TAF3: variants seen among roughly 807,000 people sequenced by gnomAD.
TAF3 encodes the protein transcription initiation factor TFIID subunit 3.
A neutral mutation model predicts 80.6 loss-of-function variants in TAF3; 7 were observed. The ratio of observed to expected loss-of-function variants is 0.09; its 90% CI spans 0.05 to 0.16. The LOEUF (loss-of-function observed/expected upper bound fraction) is 0.16, where lower values mean the gene tolerates loss of function less well. Among genes scored for constraint, TAF3 ranks in the 10% least tolerant of loss-of-function variants. TAF3 has a pLI of 1.00. For synonymous variants in TAF3, 444 were observed against 446.1 expected, an observed-to-expected ratio of 1.00 and a Z score of 0.06; for missense variants, 921 against 1,140.2, an observed-to-expected ratio of 0.81 and a Z score of 2.77.
At position 8,009,105 on chromosome 10, in the gene TAF3, C is replaced by G. The variant is rs1350678860; in HGVS notation, c.2343C>G (p.Pro781=). The G allele has an allele frequency of 1.2e-6, 2 of 1,601,442 alleles. No homozygotes were observed. Among genetic ancestry groups the G allele is most frequent in the Non-Finnish European group, 1.7e-6 (2 of 1,174,686 alleles). The part of the protein sequence containing the change: ...KIVISKVVPA[P]EAKPAPSQNR... Reference sequence around the variant, plus strand: ...TCATCAGCAAGGTGGTCCCTGCCCCCGAGGCCAAGCCGGCGCCCTCGCAGA... The same window carrying G: ...TCATCAGCAAGGTGGTCCCTGCCCCGGAGGCCAAGCCGGCGCCCTCGCAGA... The change falls in exon 5 of 7, where the codon CCC becomes CCG. Residue 781 remains proline, a synonymous_variant. Coordinates refer to ENST00000344293, the MANE Select transcript of TAF3 (RefSeq NM_031923.4). This position sits in a 1 kb window ranked among gnomAD's most constrained non-coding sequence, Gnocchi z 4.1.
At chr10:7,926,926 G>C (rs1457339809) in intron 2 of TAF3, among the ~76,000 whole-genome samples, 1 of 152,106 alleles carries the variant, frequency 6.6e-6, no homozygotes, top group East Asian at 1.9e-4. Flanking sequence ...TTGGTTCAAC[G>C]TGTGTATATA....
chr10:7,933,955 G>A (rs780633447), intron 2 of TAF3, among the ~76,000 whole-genome samples: 17 of 152,126 alleles, frequency 1.1e-4, no homozygotes, highest in Non-Finnish European at 1.8e-4. Context: ...TGACATGGTC[G>A]TCACCGCCTG....
intron 2 of TAF3, among the ~76,000 whole-genome samples, chr10:7,897,658 C>CTTTCTT (rs1564359081): frequency 1.3e-5 from 2 of 150,710 alleles, no homozygotes; most frequent in Non-Finnish European, 3.0e-5. Flanking sequence ...CTCTCTCTCT[C>CTTTCTT]TCTTTCTTTC....
rs986508344 is a variant in TAF3 at position 7,964,570 on chromosome 10, A to G, written c.1060A>G (p.Lys354Glu). The change falls in exon 3 of 7, where the codon AAA becomes GAA. Residue 354 changes from lysine to glutamate, a missense_variant. This residue lies in a region of TAF3 where 743 missense variants were observed against 821.0 expected (regional missense o/e 0.90). Transcript: ENST00000344293. The surrounding 1 kb of genome is among the most constrained non-coding windows in gnomAD (Gnocchi z 4.1). Reference protein sequence around the residue: ...PSATLSEKISKETIQVKQIQT... With the variant: ...PSATLSEKISEETIQVKQIQT... ...AGCTACACTCAGTGAAAAAATCAGT[A>G]AAGAGACTATCCAGGTAAAACAAAT... 1.9e-6 allele frequency: 3 copies of G among 1,613,976 alleles called. No homozygotes were observed. Among genetic ancestry groups the G allele is most frequent in the African/African-American group, 1.3e-5 (1 of 74,928 alleles).
intron 2 of TAF3, among the ~76,000 whole-genome samples, chr10:7,863,750 CAT>C (rs926631595): frequency 5.2e-5 from 7 of 133,992 alleles, no homozygotes; most frequent in African/African-American, 1.1e-4. Context: ...TATATATACA[CAT>C]ATATATATAC....
intron 2 of TAF3, among the ~76,000 whole-genome samples, chr10:7,873,938 C>T (rs959478062): frequency 4.6e-5 from 7 of 152,204 alleles, no homozygotes; most frequent in Admixed American, 1.3e-4. Flanking sequence ...TCATGATTAC[C>T]GCTGTGTTTC....
chr10:7,950,268 T>G (rs1036456109), intron 2 of TAF3, among the ~76,000 whole-genome samples: 5 of 152,168 alleles, frequency 3.3e-5, no homozygotes, highest in Admixed American at 1.3e-4. Context: ...GGGAGAGAGA[T>G]AGAGAAATAT....
At chr10:7,890,805 C>T (rs1228074921) in intron 2 of TAF3, among the ~76,000 whole-genome samples, 2 of 151,960 alleles carry the variant, frequency 1.3e-5, no homozygotes, top group African/African-American at 4.8e-5. Flanking sequence ...CATTTTTTTC[C>T]CAAGTGATTA....
In TAF3 at chr10:7,965,448, G is replaced by A; in HGVS notation, c.1938G>A (p.Lys646=). The A allele has an allele frequency of 6.2e-7, 1 of 1,613,538 alleles. No individual in the cohort carries two copies. Among genetic ancestry groups the A allele is most frequent in the Non-Finnish European group, 8.5e-7 (1 of 1,179,914 alleles). ...TGAAAGATAAAGGCAGAGAAGATAA[G>A]ATGAAAGCCCCAGCACCCCCACTGG... is the stretch of plus-strand genomic sequence containing the variant. ...EKVKDKGRED[K]MKAPAPPLVL... is the part of the protein sequence containing the mutation. The change falls in exon 3 of 7, where the codon AAG becomes AAA. Residue 646 remains lysine (K), a synonymous_variant. Coordinates refer to ENST00000344293, the MANE Select transcript of TAF3 (RefSeq NM_031923.4).
At chr10:7,944,092 CTT>C (rs1491122911) in intron 2 of TAF3, among the ~76,000 whole-genome samples, 6 of 88,000 alleles carry the variant, frequency 6.8e-5, no homozygotes, top group Non-Finnish European at 4.6e-5. Flanking sequence ...AATGTTCATG[CTT>C]GTGTGTGTGT....
chr10:7,840,935 C>T (rs1836906487), intron 2 of TAF3, among the ~76,000 whole-genome samples: 1 of 151,954 alleles, frequency 6.6e-6, no homozygotes, highest in Admixed American at 6.6e-5. Flanking sequence ...CTGCAACCTC[C>T]ACCTCCCAGG....
At chr10:7,882,883 CT>C (rs1395399168) in intron 2 of TAF3, among the ~76,000 whole-genome samples, 9 of 152,200 alleles carry the variant, frequency 5.9e-5, no homozygotes, top group Non-Finnish European at 2.9e-5. Context: ...AATGCTAACA[CT>C]TTACATCGTT....
At chr10:7,989,434 C>T (rs1439238848) in intron 4 of TAF3, among the ~76,000 whole-genome samples, 6 of 152,162 alleles carry the variant, frequency 3.9e-5, no homozygotes, top group Admixed American at 2.0e-4. Flanking sequence ...ATATATTTCA[C>T]GGTGCTGAGA....
At chr10:7,985,763 T>G (rs1324578411) in intron 4 of TAF3, among the ~76,000 whole-genome samples, 3 of 150,280 alleles carry the variant, frequency 2.0e-5, no homozygotes, top group South Asian at 2.1e-4. Context: ...CTAGACTCAG[T>G]CTCTCATTCT....
At chr10:7,932,669 A>ATTTTTTTTT (rs34907761) in intron 2 of TAF3, among the ~76,000 whole-genome samples, 2 of 78,810 alleles carry the variant, frequency 2.5e-5, no homozygotes, top group African/African-American at 1.2e-4. Context: ...GTTCCACTTA[A>ATTTTTTTTT]TTTTTTTTTT....
At chr10:7,843,947 G>A (rs1224754053) in intron 2 of TAF3, among the ~76,000 whole-genome samples, 1 of 152,070 alleles carries the variant, frequency 6.6e-6, no homozygotes, top group African/African-American at 2.4e-5. Context: ...CAATTCAGTA[G>A]GTGGCACTCT....
chr10:7,939,881 A>G (rs1463224004), intron 2 of TAF3, among the ~76,000 whole-genome samples: 1 of 152,200 alleles, frequency 6.6e-6, no homozygotes, highest in Non-Finnish European at 1.5e-5. Context: ...AAGAGAGAAC[A>G]ATGAAACTAA....
At chr10:7,960,237 G>A (rs1165910337) in intron 2 of TAF3, among the ~76,000 whole-genome samples, 1 of 152,166 alleles carries the variant, frequency 6.6e-6, no homozygotes, top group Admixed American at 6.5e-5. Flanking sequence ...TCTTCTTTCT[G>A]ATTTTCTCAT....
chr10:7,986,328 C>A (rs1588577351), intron 4 of TAF3, among the ~76,000 whole-genome samples: 1 of 152,148 alleles, frequency 6.6e-6, no homozygotes, highest in East Asian at 1.9e-4. Context: ...GAACCAGCAG[C>A]ACCTCAAAAA....
Sources: allele counts gnomAD v4.1 joint callset (sites outside exome capture counted in the v4.1 genomes callset), GRCh38; gene constraint gnomAD v4.1.1; regional missense constraint gnomAD v4.1.1; non-coding constraint Gnocchi (gnomAD v3.1); transcripts MANE v1.5; gene names NCBI Gene and HGNC (gene_info 2026-07-23, HGNC 2026-07-21).